The following RANBP2 variants were observed in gnomAD, a reference collection of about 807,000 sequenced individuals.
The protein encoded by RANBP2 is E3 SUMO-protein ligase RanBP2.
A neutral mutation model predicts 303.6 loss-of-function variants in RANBP2; 57 were observed. The observed-to-expected ratio is 0.19, with a 90% CI of 0.15 to 0.23. The LOEUF (loss-of-function observed/expected upper bound fraction) is 0.23, where lower values mean the gene tolerates loss of function less well. Ranked by LOEUF, RANBP2 falls within the 10% of genes least tolerant of loss-of-function variation. The probability of loss-of-function intolerance (pLI) is 1.00; values close to 1 mark genes in which losing one functional copy is unlikely to be tolerated. For missense variants in RANBP2, 3,138 were observed against 3,780.8 expected (o/e 0.83, Z 4.46); for synonymous variants, 1,167 against 1,301.5 (o/e 0.90, Z 2.23).
At chr2:109,047,117 T>C in the RANBP2 span, among the ~76,000 whole-genome samples, 13 of 149,382 alleles carry the variant, frequency 8.7e-5, no homozygotes, top group Non-Finnish European at 1.8e-4. Context: ...GGTGCTCCTC[T>C]GGCAGCAAAA....
chr2:109,695,051 C>T, the RANBP2 span, among the ~76,000 whole-genome samples: 3 of 152,068 alleles, frequency 2.0e-5, no homozygotes, highest in Non-Finnish European at 2.9e-5. Flanking sequence ...GATTCTATCT[C>T]CTCTCATTTC....
the RANBP2 span, among the ~76,000 whole-genome samples, chr2:109,296,147 C>T: frequency 1.6e-4 from 25 of 152,246 alleles, no homozygotes; most frequent in African/African-American, 5.8e-4. Flanking sequence ...CCCCCAACCC[C>T]GCCCATGTCA....
the RANBP2 span, among the ~76,000 whole-genome samples, chr2:109,642,486 A>T: frequency 6.6e-6 from 1 of 152,096 alleles, no homozygotes; most frequent in Non-Finnish European, 1.5e-5. Flanking sequence ...GCGGTGGCTC[A>T]CGCCTGTAAT....
At chr2:109,578,789 T>C in the RANBP2 span, among the ~76,000 whole-genome samples, 1 of 151,306 alleles carries the variant, frequency 6.6e-6, no homozygotes, top group African/African-American at 2.4e-5. Flanking sequence ...AAAAAAGAAA[T>C]TTACTGAAAT....
At chr2:108,741,202 T>C (rs1391070678) in intron 7 of RANBP2, among the ~76,000 whole-genome samples, 2 of 152,032 alleles carry the variant, frequency 1.3e-5, no homozygotes, top group Non-Finnish European at 2.9e-5. Context: ...TTAATTTTTA[T>C]TTTTTTATTT....
chr2:109,700,398 G>GAT, the RANBP2 span, among the ~76,000 whole-genome samples: 1 of 152,086 alleles, frequency 6.6e-6, no homozygotes, highest in African/African-American at 2.4e-5. Flanking sequence ...GTGAGACATC[G>GAT]ATATATATAA....
the RANBP2 span, among the ~76,000 whole-genome samples, chr2:109,007,987 T>C: frequency 6.6e-6 from 1 of 152,220 alleles, no homozygotes; most frequent in Non-Finnish European, 1.5e-5. Flanking sequence ...TTTCTTCTTC[T>C]ATGTTTAAAC....
the RANBP2 span, among the ~76,000 whole-genome samples, chr2:109,726,156 C>T: frequency 2.0e-5 from 3 of 150,634 alleles, no homozygotes; most frequent in African/African-American, 7.3e-5. Context: ...TGCCTGTAAT[C>T]CCAGCACTTT....
the RANBP2 span, among the ~76,000 whole-genome samples, chr2:109,573,067 C>T: frequency 6.6e-6 from 1 of 152,186 alleles, no homozygotes; most frequent in African/African-American, 2.4e-5. Flanking sequence ...ACTTCTATGG[C>T]AGATAGGCTC....
At chr2:109,040,886 T>C in the RANBP2 span, among the ~76,000 whole-genome samples, 1 of 152,032 alleles carries the variant, frequency 6.6e-6, no homozygotes, top group African/African-American at 2.4e-5. Context: ...AAACCCCGTA[T>C]CTACTAAAAA....
chr2:109,288,362 A>G, the RANBP2 span, among the ~76,000 whole-genome samples: 1 of 152,348 alleles, frequency 6.6e-6, no homozygotes, highest in East Asian at 1.9e-4. Context: ...GGGAACAGGA[A>G]CACTCAGAGG....
chr2:108,986,760 G>A, the RANBP2 span, among the ~76,000 whole-genome samples: 2 of 152,088 alleles, frequency 1.3e-5, no homozygotes, highest in Non-Finnish European at 2.9e-5. Flanking sequence ...TATTTTTTAG[G>A]AAAATAGTAA....
At chr2:109,471,600 C>T in the RANBP2 span, among the ~76,000 whole-genome samples, 1 of 152,198 alleles carries the variant, frequency 6.6e-6, no homozygotes, top group Non-Finnish European at 1.5e-5. Context: ...TGGAACAGCT[C>T]ATGTAGGCCC....
chr2:109,667,168 T>C, the RANBP2 span: 2 of 1,333,116 alleles, frequency 1.5e-6, no homozygotes, highest in South Asian at 1.2e-5. Context: ...TTTAATTCAC[T>C]GCACATTCCA....
chr2:108,731,631 C>G (rs1443306785), intron 4 of RANBP2, 157 bp downstream of exon 4: 2 of 1,390,826 alleles, frequency 1.4e-6, no homozygotes, highest in Non-Finnish European at 1.9e-6. Flanking sequence ...TTCTGAGCAT[C>G]TACTGTCTTA....
Position 108,762,717 on chromosome 2 carries a change from A to C in RANBP2, c.2698-520A>C, listed in dbSNP as rs527403171. 3.7e-3 allele frequency among the ~76,000 whole-genome samples: 550 copies of C among 150,094 alleles called. 2 individuals are homozygous for C. The highest frequency in any genetic ancestry group is 5.1e-3 in the Admixed American group (76 of 14,994). The stretch of plus-strand genomic sequence containing the variant: ...AATACCTTAATTCATAGGGTTTTTG[A>C]GGATATTAAAATGAGATAATAATGT... On this transcript the variant is annotated intron_variant, in intron 19 of 28. Transcript: ENST00000283195.
At chr2:109,564,498 C>A in the RANBP2 span, 2 of 1,556,774 alleles carry the variant, frequency 1.3e-6, no homozygotes, top group Non-Finnish European at 1.7e-6. Context: ...GAGCATTTCC[C>A]GCAGCTTTAC....
the RANBP2 span, among the ~76,000 whole-genome samples, chr2:109,598,238 T>C: frequency 2.0e-5 from 3 of 152,010 alleles, 1 homozygote; most frequent in African/African-American, 4.8e-5. Context: ...TGGCTAACTT[T>C]TGTATTTTTA....
At chr2:109,413,275 C>CAGCT in the RANBP2 span, among the ~76,000 whole-genome samples, 2 of 152,144 alleles carry the variant, frequency 1.3e-5, no homozygotes, top group Non-Finnish European at 2.9e-5. Context: ...CCACAATGCC[C>CAGCT]AGCTAATTTT....
Sources: gnomAD v4.1 joint callset for allele counts (sites outside exome capture counted in the v4.1 genomes callset) on GRCh38, gnomAD v4.1.1 for gene constraint, MANE v1.5 for transcripts, NCBI Gene and HGNC (gene_info 2026-07-23, HGNC 2026-07-21) for gene names.